TIAM1: variants seen among roughly 807,000 people sequenced by gnomAD.
TIAM1 encodes rho guanine nucleotide exchange factor TIAM1.
A neutral mutation model predicts 163.5 loss-of-function variants in TIAM1; 65 were observed. The ratio of observed to expected loss-of-function variants is 0.40; its 90% CI spans 0.33 to 0.49. The LOEUF is 0.49. Ranked by LOEUF, TIAM1 falls within the 20% of genes least tolerant of loss-of-function variation. The pLI is 0.77. For synonymous variants in TIAM1, 833 were observed against 810.1 expected, an observed-to-expected ratio of 1.03 and a Z score of -0.48; for missense variants, 1,789 against 2,044.7, an observed-to-expected ratio of 0.87 and a Z score of 2.41.
chr21:31,429,505 G>A (rs964962201), intron 2 of TIAM1, among the ~76,000 whole-genome samples: 6 of 152,134 alleles, frequency 3.9e-5, no homozygotes, highest in African/African-American at 7.2e-5. Context: ...AATACACCCC[G>A]GGGAGGCGGA....
chr21:31,380,757 G>A (rs140524541), intron 2 of TIAM1, among the ~76,000 whole-genome samples: 23 of 152,228 alleles, frequency 1.5e-4, no homozygotes, highest in African/African-American at 4.1e-4. Flanking sequence ...TCATTAAAAT[G>A]TGGGTCAAAA....
intron 2 of TIAM1, among the ~76,000 whole-genome samples, chr21:31,315,834 G>A (rs77063706): frequency 0.019 from 2,928 of 151,832 alleles, 105 homozygotes; most frequent in African/African-American, 0.067. Flanking sequence ...ACAAAAAGGC[G>A]GGTGTGGTGG....
chr21:31,258,805 C>T (rs1468474052), intron 4 of TIAM1, among the ~76,000 whole-genome samples: 1 of 105,496 alleles, frequency 9.5e-6, no homozygotes, highest in Non-Finnish European at 2.0e-5. Context: ...CAGAGTGAGA[C>T]TCCGTCTCAA....
At chr21:31,419,195 T>C (rs1401994489) in intron 2 of TIAM1, among the ~76,000 whole-genome samples, 1 of 152,212 alleles carries the variant, frequency 6.6e-6, no homozygotes, top group Admixed American at 6.5e-5. Context: ...AGGATGGTAC[T>C]CAGCAAAGGG....
intron 4 of TIAM1, among the ~76,000 whole-genome samples, chr21:31,257,484 G>A (rs192850560): frequency 1.1e-4 from 17 of 152,136 alleles, no homozygotes; most frequent in Middle Eastern, 3.4e-3. Context: ...CTATGTATGT[G>A]CTTATACCTT....
chr21:31,290,827 C>T (rs1053835066), intron 2 of TIAM1, among the ~76,000 whole-genome samples: 2 of 152,016 alleles, frequency 1.3e-5, no homozygotes, highest in African/African-American at 2.4e-5. Context: ...AGCCTTATTA[C>T]GAAGTCATAT....
intron 2 of TIAM1, among the ~76,000 whole-genome samples, chr21:31,445,039 A>C (rs1451667334): frequency 2.6e-5 from 4 of 151,308 alleles, no homozygotes; most frequent in African/African-American, 9.7e-5. Flanking sequence ...AAGAGAAAAG[A>C]AAGAACAGAA....
At chr21:31,238,659 C>T (rs1483489992) in intron 6 of TIAM1, among the ~76,000 whole-genome samples, 2 of 152,140 alleles carry the variant, frequency 1.3e-5, no homozygotes, top group African/African-American at 4.8e-5. Flanking sequence ...GCAAGAATAA[C>T]CAAAATCAGG....
chr21:31,430,222 AAAAATATATAT>A (rs1324976041), intron 2 of TIAM1, among the ~76,000 whole-genome samples: 2 of 101,884 alleles, frequency 2.0e-5, no homozygotes, highest in African/African-American at 9.9e-5. Flanking sequence ...AAAAAAAAAA[AAAAATATATAT>A]ATATATATAT....
intron 2 of TIAM1, among the ~76,000 whole-genome samples, chr21:31,391,877 T>A (rs2076971284): frequency 6.6e-6 from 1 of 152,104 alleles, no homozygotes; most frequent in Non-Finnish European, 1.5e-5. Context: ...AGACTTACAG[T>A]TTTTGACTTG....
chr21:31,394,687 T>TTCTCTCTC (rs539349529), intron 2 of TIAM1, among the ~76,000 whole-genome samples: 3 of 104,020 alleles, frequency 2.9e-5, no homozygotes, highest in African/African-American at 1.1e-4. Flanking sequence ...AATCTACTCA[T>TTCTCTCTC]TCTCTCTCTC....
chr21:31,394,291 C>T (rs183692764), intron 2 of TIAM1, among the ~76,000 whole-genome samples: 1 of 152,270 alleles, frequency 6.6e-6, no homozygotes, highest in African/African-American at 2.4e-5. Context: ...ACACGACATC[C>T]TGGAAAAGGT....
At chr21:31,193,358 G>A (rs149534340) in intron 13 of TIAM1, among the ~76,000 whole-genome samples, 5 of 152,210 alleles carry the variant, frequency 3.3e-5, no homozygotes, top group African/African-American at 7.2e-5. Context: ...CTTTCCTCCT[G>A]GGAGTCTGGA....
In TIAM1 at chr21:31,233,179, T is replaced by A. The variant is rs148860126; in HGVS notation, c.1585-7229A>T. Among the ~76,000 whole-genome samples, 14 of 152,122 alleles carry A rather than the reference T, an allele frequency of 9.2e-5. No homozygotes were observed. In the East Asian group the frequency reaches 2.5e-3, roughly 27 times the overall value. On this transcript the variant is annotated intron_variant, in intron 6 of 27. Transcript: ENST00000541036. ...GAAATACTAGGGAATATATGCCAAA[T>A]CTAGGAAACTAAAATTTGAGATAAT...
At chr21:31,506,848 C>T (rs1355898700) in intron 1 of TIAM1, among the ~76,000 whole-genome samples, 1 of 152,154 alleles carries the variant, frequency 6.6e-6, no homozygotes, top group Non-Finnish European at 1.5e-5. Context: ...AACCGGGAGG[C>T]AGAGGTTGCA....
intron 17 of TIAM1, among the ~76,000 whole-genome samples, chr21:31,153,549 C>A (rs2083475470): frequency 6.6e-6 from 1 of 152,150 alleles, no homozygotes; most frequent in Non-Finnish European, 1.5e-5. Context: ...AACAGATCAC[C>A]CTGCTTTCGC....
At chr21:31,210,457 A>AG (rs1193740831) in intron 10 of TIAM1, among the ~76,000 whole-genome samples, 1 of 150,422 alleles carries the variant, frequency 6.6e-6, no homozygotes, top group East Asian at 2.0e-4. Context: ...CAGCATCCAT[A>AG]GGTGATCACG....
At chr21:31,246,831 C>T (rs1039281367) in intron 5 of TIAM1, among the ~76,000 whole-genome samples, 2 of 152,130 alleles carry the variant, frequency 1.3e-5, no homozygotes, top group African/African-American at 4.8e-5. Flanking sequence ...ACTTATTTCA[C>T]ATTTTTTTTC....
At chr21:31,406,067 C>G (rs563450760) in intron 2 of TIAM1, among the ~76,000 whole-genome samples, 1 of 152,052 alleles carries the variant, frequency 6.6e-6, no homozygotes, top group East Asian at 1.9e-4. Context: ...CTCAAAGATA[C>G]ACAAACGTGC....
Sources: allele counts gnomAD v4.1 joint callset (sites outside exome capture counted in the v4.1 genomes callset), GRCh38; gene constraint gnomAD v4.1.1; transcripts MANE v1.5; gene names NCBI Gene and HGNC (gene_info 2026-07-23, HGNC 2026-07-21).